The following PCYT2 variants were observed in gnomAD, a reference collection of about 807,000 sequenced individuals.
PCYT2 encodes the protein phosphate cytidylyltransferase 2, ethanolamine.
PCYT2 carries 33 observed loss-of-function variants against 50.0 expected under a neutral mutation model. That is an observed-to-expected ratio of 0.66 (90% CI 0.50 to 0.88). The LOEUF (loss-of-function observed/expected upper bound fraction) is 0.88. Among genes scored for constraint, PCYT2 ranks in the 40% least tolerant of loss-of-function variants. PCYT2 has a pLI of 0.00. For missense variants in PCYT2, 430 were observed against 519.7 expected, an observed-to-expected ratio of 0.83 and a Z score of 1.68; for synonymous variants, 240 against 203.7, an observed-to-expected ratio of 1.18 and a Z score of -1.52.
intron 6 of PCYT2, 156 bp downstream of exon 6, chr17:81,907,398 G>A (rs2040332162): frequency 3.4e-6 from 4 of 1,179,508 alleles, no homozygotes; most frequent in African/African-American, 3.0e-5. Context: ...ATCCACCAGT[G>A]AGCCAAACCT....
chr17:81,908,572 A>G lies in PCYT2; in HGVS notation c.403T>C (p.Tyr135His), dbSNP rs747119675. ...TYEEVKQAGR[Y>H]RECKRTQGVS... is the part of the protein sequence containing the mutation. ...AGGCCCGCGGTGGAGACTCACCTGT[A>G]CCTCCCAGCCTGCTTTACTTCCTCA... Residue 135 changes from tyrosine (Y) to histidine (H), a missense_variant, in exon 4 of 13, where the codon TAC (tyrosine) becomes CAC (histidine). Physicochemically the swap from Tyr to His is moderately conservative, Grantham distance 83 (BLOSUM62 2). Around this residue, in one of 4 missense-constraint regions of PCYT2, gnomAD observed 117 missense variants for 163.9 expected, o/e 0.71. Coordinates refer to ENST00000538936, the MANE Select transcript of PCYT2 (RefSeq NM_002861.5). 8.7e-6 allele frequency: 14 copies of G among 1,612,222 alleles called. 1 individual carries two copies. In the South Asian group the frequency reaches 1.5e-4, roughly 18 times the overall value.
At chr17:81,910,395 A>T (rs1045020904) in intron 1 of PCYT2, among the ~76,000 whole-genome samples, 27 of 152,180 alleles carry the variant, frequency 1.8e-4, no homozygotes, top group African/African-American at 6.0e-4. Flanking sequence ...GCTCCACTGC[A>T]CACCACTGCT....
chr17:81,908,607 C>T lies in PCYT2; in HGVS notation c.368G>A (p.Arg123Gln), dbSNP rs746212425. 3.7e-6 allele frequency: 6 copies of T among 1,613,518 alleles called. No homozygotes were observed. Among genetic ancestry groups the T allele is most frequent in the African/African-American group, 1.3e-5 (1 of 74,922 alleles). Residue 123 changes from arginine (R) to glutamine (Q), a missense_variant, in exon 4 of 13, where the codon CGG becomes CAG. By Grantham distance (43) the Arg-to-Gln change is conservative. Coordinates refer to ENST00000538936, the MANE Select transcript of PCYT2 (RefSeq NM_002861.5). ...CTGCTTTACTTCCTCATAGGTGTCCCGGCCATCTACAGTCAGGGTGATGTC... is the reference window on the plus strand; with the variant it reads ...CTGCTTTACTTCCTCATAGGTGTCCTGGCCATCTACAGTCAGGGTGATGTC... The part of the protein sequence containing the change: ...GNDITLTVDG[R>Q]DTYEEVKQAG...
Position 81,904,838 on chromosome 17 carries a change from A to G in PCYT2, c.1165T>C (p.Phe389Leu). Reference protein sequence around the residue: ...AQPLGERDGDF With the variant: ...AQPLGERDGDL ...CGGCCAGGGCCTCTGCCAGGTTAGA[A>G]GTCACCATCGCGCTCCCCCAGGGGC... The change falls in exon 13 of 13, where the codon TTC (phenylalanine) becomes CTC (leucine). Residue 389 changes from phenylalanine (F) to leucine (L), a missense_variant. Physicochemically the swap from Phe to Leu is conservative, Grantham distance 22. Transcript: ENST00000538936. The G allele has an allele frequency of 6.2e-7, 1 of 1,605,718 alleles. No homozygotes were observed. Among genetic ancestry groups the G allele is most frequent in the Non-Finnish European group, 8.5e-7 (1 of 1,174,864 alleles).
rs1313980813 is a variant in PCYT2 at position 81,905,394 on chromosome 17, G to A, written c.957C>T (p.Ser319=). The A allele has an allele frequency of 7.0e-6, 11 of 1,560,460 alleles. No homozygotes were observed. The highest frequency in any genetic ancestry group is 3.8e-5 in the Admixed American group (2 of 52,456). The part of the protein sequence containing the change: ...KTEIIPDRDG[S]DPYQEPKRRG... Reference sequence around the variant, plus strand: ...CAGCATGACCCACCTGGTATGGGTCGGAGCCATCCCTGTCAGGGATAATTT... The same window carrying A: ...CAGCATGACCCACCTGGTATGGGTCAGAGCCATCCCTGTCAGGGATAATTT... The change falls in exon 11 of 13, where the codon TCC becomes TCT. Residue 319 remains serine, a synonymous_variant. Transcript: ENST00000538936.
intron 1 of PCYT2, 110 bp downstream of exon 1, chr17:81,911,157 C>A: frequency 1.0e-6 from 1 of 1,004,874 alleles, no homozygotes; most frequent in Non-Finnish European, 1.2e-6. Context: ...CCATGCCGGA[C>A]GAGGACGCCA....
Position 81,903,149 on chromosome 17 carries a change from T to A in PCYT2, c.*1684A>T, listed in dbSNP as rs2040037673. ...ACGGCTGGCCCGGTTCCCAGTGTCC[T>A]CCCCCAGCCCTTCGCTCCCCAACTC... On this transcript the variant is annotated 3_prime_UTR_variant, in exon 13 of 13. Coordinates refer to ENST00000538936, the MANE Select transcript of PCYT2 (RefSeq NM_002861.5). 1 of 212,526 alleles carries A rather than the reference T, an allele frequency of 4.7e-6. No homozygotes were observed. Among genetic ancestry groups the A allele is most frequent in the Non-Finnish European group, 9.3e-6 (1 of 107,776 alleles). 13.2% of individuals were successfully genotyped at this position (212,526 alleles called of 1,614,324 possible).
chr17:81,911,120 C>G, intron 1 of PCYT2, 147 bp downstream of exon 1: 1 of 1,002,466 alleles, frequency 1.0e-6, no homozygotes, highest in Non-Finnish European at 1.2e-6. Flanking sequence ...TCCCGGCAGG[C>G]GAGCCCCGCA....
At position 81,902,676 on chromosome 17, in the gene PCYT2, C is replaced by A. The variant is rs368921955; in HGVS notation, c.*2157G>T. 1.9e-6 allele frequency: 3 copies of A among 1,607,772 alleles called. No homozygotes were observed. Among genetic ancestry groups the A allele is most frequent in the African/African-American group, 2.7e-5 (2 of 74,476 alleles). ...TGCAGAGGTGCGAGCGGCTCCCCGA[C>A]GGCCGCGGGACCTACCAGTGCAAGG... On this transcript the variant is annotated 3_prime_UTR_variant, in exon 13 of 13. Coordinates refer to ENST00000538936, the MANE Select transcript of PCYT2 (RefSeq NM_002861.5).
Position 81,907,624 on chromosome 17 carries a change from G to C in PCYT2, c.493-26C>G, listed in dbSNP as rs201831506. 9.3e-6 allele frequency: 15 copies of C among 1,609,970 alleles called. No homozygotes were observed. The Admixed American group carries it at 2.5e-4, about 27-fold the overall frequency. ...CTGCACAGAAGGTCAGAGCAGGGCT[G>C]AGGGGCCTGCCCTCCCGGCGTGGCC... is the stretch of plus-strand genomic sequence containing the variant. On this transcript the variant is annotated intron_variant, in intron 5 of 12. Coordinates refer to ENST00000538936, the MANE Select transcript of PCYT2 (RefSeq NM_002861.5).
At position 81,902,322 on chromosome 17, in the gene PCYT2, C is replaced by T; in HGVS notation, c.*2511G>A. 7.5e-7 allele frequency: 1 copy of T among 1,339,276 alleles called. No individual in the cohort carries two copies. The highest frequency in any genetic ancestry group is 3.1e-5 in the East Asian group (1 of 32,232). 83.0% of individuals were successfully genotyped at this position (1,339,276 alleles called of 1,614,324 possible). Reference sequence around the variant, plus strand: ...TGGCGGCCGCCGCCCTGGCGCTGTGCCTGCTGCTGGCGCCGCCTGGCCTCG... The same window carrying T: ...TGGCGGCCGCCGCCCTGGCGCTGTGTCTGCTGCTGGCGCCGCCTGGCCTCG... On this transcript the variant is annotated 3_prime_UTR_variant, in exon 13 of 13. Transcript: ENST00000538936.
In PCYT2 at chr17:81,904,514, C is replaced by G; in HGVS notation, c.*319G>C. 2.9e-6 allele frequency: 1 copy of G among 347,376 alleles called. No individual in the cohort carries two copies. Among genetic ancestry groups the G allele is most frequent in the Non-Finnish European group, 5.3e-6 (1 of 187,856 alleles). The allele number at this position is 347,376 out of a possible 1,614,324, so 21.5% of individuals were successfully genotyped here. A position where few individuals can be genotyped will look rare whatever the true frequency, so the allele number is the denominator to read the frequency against. ...CAGCTGGGTGGGCAGTCAGTGTGGC[C>G]TCTGTCCAGGTGGTGGGGGCATCCG... is the stretch of plus-strand genomic sequence containing the variant. On this transcript the variant is annotated 3_prime_UTR_variant, in exon 13 of 13. Coordinates refer to ENST00000538936, the MANE Select transcript of PCYT2 (RefSeq NM_002861.5).
At chr17:81,905,849 G>T in intron 9 of PCYT2, 114 bp from the exon 10 acceptor site, 1 of 1,121,410 alleles carries the variant, frequency 8.9e-7, no homozygotes, top group Non-Finnish European at 1.4e-6. Context: ...GTGAGTAGCA[G>T]GGATGGGCTG....
At chr17:81,907,503 G>A (rs959663204) in intron 6 of PCYT2, 51 bp downstream of exon 6, 11 of 1,562,546 alleles carry the variant, frequency 7.0e-6, no homozygotes, top group Non-Finnish European at 9.6e-6. Context: ...AGGTGGCCGG[G>A]GGAGCCCCCT....
chr17:81,905,761 A>G lies in PCYT2; in HGVS notation c.838-26T>C. 3 of 1,610,824 alleles carry G rather than the reference A, an allele frequency of 1.9e-6. No homozygotes were observed. In the South Asian group the frequency reaches 3.3e-5, roughly 18 times the overall value. On this transcript the variant is annotated intron_variant, in intron 9 of 12. Coordinates refer to ENST00000538936, the MANE Select transcript of PCYT2 (RefSeq NM_002861.5). Reference sequence around the variant, plus strand: ...CTGTGGGGACAGTGGGGGCAGAAAGACTTGCTCGGTCCCTGCTACTGGTAA... The same window carrying G: ...CTGTGGGGACAGTGGGGGCAGAAAGGCTTGCTCGGTCCCTGCTACTGGTAA...
At chr17:81,906,576 G>A (rs1455241450) in intron 7 of PCYT2, 30 bp from the exon 8 acceptor site, 1 of 1,603,212 alleles carries the variant, frequency 6.2e-7, no homozygotes, top group African/African-American at 1.3e-5. Flanking sequence ...CAGTCGGGAT[G>A]GGGATGACAG....
chr17:81,908,987 A>T lies in PCYT2; in HGVS notation c.229T>A (p.Tyr77Asn). 1 of 1,613,940 alleles carries T rather than the reference A, an allele frequency of 6.2e-7. No homozygotes were observed. Among genetic ancestry groups the T allele is most frequent in the Non-Finnish European group, 8.5e-7 (1 of 1,179,970 alleles). The change falls in exon 3 of 13, where the codon TAC (tyrosine) becomes AAC (asparagine). Residue 77 changes from tyrosine (Y) to asparagine (N), a missense_variant. This residue lies in a region of PCYT2 where 117 missense variants were observed against 163.9 expected (regional missense o/e 0.71). Coordinates refer to ENST00000538936, the MANE Select transcript of PCYT2 (RefSeq NM_002861.5). ...CATTTGATGGCCTGCACCATCTTGT[A>T]TCTCTCCTCCTGAGTGAACACCGGG... ...GPPVFTQEER[Y>N]KMVQAIKWVD...
Position 81,903,933 on chromosome 17 carries a change from C to G in PCYT2, c.*900G>C, listed in dbSNP as rs1452998776. Reference sequence around the variant, plus strand: ...CACCTCCCGGAGGCTGCAGTAAGAACCTCTTCGGCCTCTGGGCTGCTCCAG... The same window carrying G: ...CACCTCCCGGAGGCTGCAGTAAGAAGCTCTTCGGCCTCTGGGCTGCTCCAG... On this transcript the variant is annotated 3_prime_UTR_variant, in exon 13 of 13. Coordinates refer to ENST00000538936, the MANE Select transcript of PCYT2 (RefSeq NM_002861.5). 1 of 152,284 alleles carries G rather than the reference C, an allele frequency of 6.6e-6. No homozygotes were observed. The highest frequency in any genetic ancestry group is 2.1e-4 in the South Asian group (1 of 4,838). The allele number at this position is 152,284 out of a possible 1,614,324, so 9.4% of individuals were successfully genotyped here.
chr17:81,902,086 C>A lies in PCYT2; in HGVS notation c.*2747G>T. On this transcript the variant is annotated 3_prime_UTR_variant, in exon 13 of 13. Transcript: ENST00000538936. ...GATCCTTGCGCGCCTCCAGCGCTCG[C>A]CCGCGCGGCTGGTTCCTTTGGGATG... 1 of 385,938 alleles carries A rather than the reference C, an allele frequency of 2.6e-6. No homozygotes were observed. The highest frequency in any genetic ancestry group is 4.1e-6 in the Non-Finnish European group (1 of 241,230). The allele number at this position is 385,938 out of a possible 1,614,324, so 23.9% of individuals were successfully genotyped here.
Sources: allele counts gnomAD v4.1 joint callset (sites outside exome capture counted in the v4.1 genomes callset), GRCh38; gene constraint gnomAD v4.1.1; regional missense constraint gnomAD v4.1.1; transcripts MANE v1.5; gene names NCBI Gene and HGNC (gene_info 2026-07-23, HGNC 2026-07-21).